The following SAMD5 variants were observed in gnomAD, a reference collection of about 807,000 sequenced individuals.
The protein encoded by SAMD5 is sterile alpha motif domain-containing protein 5.
Under a neutral mutation model 11.3 loss-of-function variants are expected in SAMD5, and 13 were observed. The ratio of observed to expected loss-of-function variants is 1.15; its 90% CI spans 0.75 to 1.83. SAMD5 has a LOEUF of 1.83. SAMD5 is among the 40% of genes most tolerant of loss of function. SAMD5 has a pLI of 0.00. For synonymous variants in SAMD5, 129 were observed against 111.3 expected, an observed-to-expected ratio of 1.16 and a Z score of -1.00; for missense variants, 255 against 239.1, an observed-to-expected ratio of 1.07 and a Z score of -0.44.
chr6:147,615,464 A>G (rs1789851687), intron 1 of SAMD5, among the ~76,000 whole-genome samples: 1 of 152,216 alleles, frequency 6.6e-6, no homozygotes, highest in South Asian at 2.1e-4. Context: ...TATTTGTCTC[A>G]TGCCTTTTGG....
the SAMD5 span, among the ~76,000 whole-genome samples, chr6:147,861,787 CA>C: frequency 2.0e-5 from 3 of 152,088 alleles, no homozygotes; most frequent in African/African-American, 4.8e-5. Context: ...GAAAATATGC[CA>C]AAAGAAAGCC....
chr6:147,798,074 C>T, the SAMD5 span, among the ~76,000 whole-genome samples: 6 of 147,560 alleles, frequency 4.1e-5, no homozygotes, highest in African/African-American at 1.5e-4. Flanking sequence ...TCCTTCAGTT[C>T]TGCTCTGATT....
intron 1 of SAMD5, among the ~76,000 whole-genome samples, chr6:147,634,747 G>A (rs1021415475): frequency 2.6e-5 from 4 of 152,050 alleles, no homozygotes. Flanking sequence ...ATAGACATTC[G>A]ATACTGTTGA....
rs1316379381 is a variant in SAMD5, at chr6:147,565,341, G to A, written c.*885G>A. The stretch of plus-strand genomic sequence containing the variant: ...GGGAGGTGGGCAGCGGCAGTGGCCT[G>A]AGGAGCCCTGTAGAACTACGGCTGA... On this transcript the variant is annotated 3_prime_UTR_variant, in exon 2 of 2. Transcript: ENST00000367474. The A allele has an allele frequency of 1.0e-6, 1 of 985,866 alleles. No homozygotes were observed. Among genetic ancestry groups the A allele is most frequent in the African/African-American group, 1.7e-5 (1 of 57,252 alleles). The allele number at this position is 985,866 out of a possible 1,614,324, so 61.1% of individuals were successfully genotyped here. A position where few individuals can be genotyped will look rare whatever the true frequency, so the allele number is the denominator to read the frequency against.
chr6:147,509,276 C>G lies in SAMD5; in HGVS notation c.348C>G (p.Ala116=). Residue 116 remains alanine (A), a synonymous_variant, in exon 1 of 2, where the codon GCC becomes GCG. Transcript: ENST00000367474. ...TRGDSRGHTT[A]PRSRELVSYP... ...GGGACTCTCGCGGCCACACGACCGC[C>G]CCCCGCAGCAGGGAGCTGGTGAGCT... 1 of 1,560,228 alleles carries G rather than the reference C, an allele frequency of 6.4e-7. No homozygotes were observed. Among genetic ancestry groups the G allele is most frequent in the Non-Finnish European group, 8.6e-7 (1 of 1,156,620 alleles).
At chr6:147,846,512 C>G in the SAMD5 span, among the ~76,000 whole-genome samples, 1 of 152,076 alleles carries the variant, frequency 6.6e-6, no homozygotes, top group African/African-American at 2.4e-5. Context: ...TGCAACTTAC[C>G]GTGAACCTAG....
chr6:147,551,826 A>ATATATATATATATATATG (rs1455882903), intron 1 of SAMD5, among the ~76,000 whole-genome samples: 1 of 146,412 alleles, frequency 6.8e-6, no homozygotes, highest in African/African-American at 2.5e-5. Flanking sequence ...ATATATATAT[A>ATATATATATATATATATG]TATATATATA....
the SAMD5 span, among the ~76,000 whole-genome samples, chr6:147,855,866 A>T: frequency 6.6e-6 from 1 of 152,214 alleles, no homozygotes; most frequent in Non-Finnish European, 1.5e-5. Flanking sequence ...ATCCTCTGGC[A>T]GTTTCTTTAA....
At chr6:147,704,681 A>G (rs541726356) in intron 1 of SAMD5, among the ~76,000 whole-genome samples, 7 of 152,228 alleles carry the variant, frequency 4.6e-5, no homozygotes, top group Admixed American at 3.3e-4. Context: ...AAGGTTGACA[A>G]AAATAAGGAT....
At chr6:147,640,025 A>G (rs1467013696) in intron 1 of SAMD5, among the ~76,000 whole-genome samples, 1 of 152,146 alleles carries the variant, frequency 6.6e-6, no homozygotes, top group Non-Finnish European at 1.5e-5. Flanking sequence ...ATGGCTAAAA[A>G]GCTTCATGGT....
chr6:147,833,641 T>C, the SAMD5 span, among the ~76,000 whole-genome samples: 1 of 152,252 alleles, frequency 6.6e-6, no homozygotes, highest in Non-Finnish European at 1.5e-5. Context: ...GTTCTTTTTA[T>C]TCCTTATTAG....
At chr6:147,883,338 C>T in the SAMD5 span, among the ~76,000 whole-genome samples, 1 of 152,076 alleles carries the variant, frequency 6.6e-6, no homozygotes, top group Non-Finnish European at 1.5e-5. Context: ...AGAGTTGCCC[C>T]TTGGAGTGGG....
rs1487916580 is a variant in SAMD5, at chr6:147,658,050, T to A, written c.163-79267T>A. On this transcript the variant is annotated intron_variant, in intron 1 of 1. Transcript: ENST00000566741. ...TTTAAAAATGTGGAAAAAATAGACT[T>A]CTCACATGCATCCAAAGGGGACTTA... is the stretch of plus-strand genomic sequence containing the variant. Among the ~76,000 whole-genome samples the A allele has an allele frequency of 1.3e-5, 2 of 152,200 alleles. 1 individual carries two copies. Among genetic ancestry groups the A allele is most frequent in the Non-Finnish European group, 2.9e-5 (2 of 68,030 alleles).
intron 1 of SAMD5, among the ~76,000 whole-genome samples, chr6:147,622,601 C>T (rs1380923853): frequency 6.6e-6 from 1 of 152,118 alleles, no homozygotes; most frequent in African/African-American, 2.4e-5. Context: ...ACTGTCCAGC[C>T]CACCAGGAAC....
the SAMD5 span, among the ~76,000 whole-genome samples, chr6:147,847,117 G>T: frequency 6.6e-6 from 1 of 152,120 alleles, no homozygotes; most frequent in Non-Finnish European, 1.5e-5. Context: ...GCCCACTGAG[G>T]TTCAAACCAG....
intron 1 of SAMD5, among the ~76,000 whole-genome samples, chr6:147,535,910 T>G (rs1224154833): frequency 6.6e-6 from 1 of 152,212 alleles, no homozygotes; most frequent in East Asian, 1.9e-4. Context: ...TAACGGGCTT[T>G]AATTGGCTCT....
intron 1 of SAMD5, among the ~76,000 whole-genome samples, chr6:147,657,331 ATAAC>A: frequency 6.6e-6 from 1 of 152,300 alleles, no homozygotes; most frequent in Admixed American, 6.5e-5. Context: ...CCTGAAGTTG[ATAAC>A]TGTACTGTGG....
rs1279758178 is a variant in SAMD5, at chr6:147,559,709, A to AT, written c.460-4684dup. On this transcript the variant is annotated intron_variant, in intron 1 of 1. Coordinates refer to ENST00000367474, the MANE Select transcript of SAMD5 (RefSeq NM_001030060.3). ...TTGCCTCTAAAGTAAAAAAAAGAAA[A>AT]TACATGTAGATCATAATGTGGATCA... is the stretch of plus-strand genomic sequence containing the variant. 2.0e-5 allele frequency among the ~76,000 whole-genome samples: 3 copies of AT among 152,344 alleles called. No homozygotes were observed. In the East Asian group the frequency reaches 5.8e-4, roughly 29 times the overall value.
chr6:147,897,279 G>C, the SAMD5 span, among the ~76,000 whole-genome samples: 1 of 152,100 alleles, frequency 6.6e-6, no homozygotes, highest in East Asian at 1.9e-4. Flanking sequence ...AAGATAACCC[G>C]CTAGATTGTA....
Sources: allele counts gnomAD v4.1 joint callset (sites outside exome capture counted in the v4.1 genomes callset), GRCh38; gene constraint gnomAD v4.1.1; transcripts MANE v1.5; gene names NCBI Gene and HGNC (gene_info 2026-07-23, HGNC 2026-07-21).